Variants in DHX9 observed in about 807,000 individuals in gnomAD.
DHX9 encodes ATP-dependent RNA helicase A.
Under a neutral mutation model 148.7 loss-of-function variants are expected in DHX9, and 27 were observed. That is an observed-to-expected ratio of 0.18 (90% CI 0.13 to 0.25). The LOEUF is 0.25. DHX9 is among the 10% of genes least tolerant of loss of function. The probability of loss-of-function intolerance (pLI) is 1.00; values close to 1 mark genes in which losing one functional copy is unlikely to be tolerated. For synonymous variants in DHX9, 529 were observed against 516.6 expected, an observed-to-expected ratio of 1.02 and a Z score of -0.33; for missense variants, 796 against 1,559.6, an observed-to-expected ratio of 0.51 and a Z score of 8.25.
At chr1:182,884,836 C>G (rs750105079) in intron 27 of DHX9, 23 bp downstream of exon 27, 1 of 1,610,226 alleles carries the variant, frequency 6.2e-7, no homozygotes, top group Middle Eastern at 1.7e-4. Context: ...ATACTTCTTA[C>G]TGAACCAAGT....
chr1:182,877,123 G>A (rs1648840265), intron 19 of DHX9: 1 of 456,348 alleles, frequency 2.2e-6, no homozygotes, highest in Non-Finnish European at 3.9e-6. Flanking sequence ...GCTTGAAACT[G>A]TAACTGATGA....
intron 21 of DHX9, among the ~76,000 whole-genome samples, chr1:182,879,679 A>G (rs1649001126): frequency 6.6e-6 from 1 of 152,206 alleles, no homozygotes; most frequent in African/African-American, 2.4e-5. Context: ...AAAGATCAGA[A>G]CATAACTTAC....
At position 182,879,334 on chromosome 1, in the gene DHX9, A is replaced by G. The variant is rs1398529183; in HGVS notation, c.2436A>G (p.Gly812=). The change falls in exon 21 of 28, where the codon GGA becomes GGG. Residue 812 remains glycine, a synonymous_variant. Transcript: ENST00000367549. ...GCATAAAACTTCTGCGTCTAGGAGG[A>G]ATTGGCCAATTTCTGGCCAAAGCAA... ...ALSIKLLRLG[G]IGQFLAKAIE... 2 of 1,551,100 alleles carry G rather than the reference A, an allele frequency of 1.3e-6. No individual in the cohort carries two copies. The highest frequency in any genetic ancestry group is 2.4e-5 in the South Asian group (2 of 84,198).
chr1:182,859,924 A>T (rs1190238157), intron 11 of DHX9, 69 bp from the exon 12 acceptor site: 14 of 1,482,386 alleles, frequency 9.4e-6, no homozygotes, highest in Non-Finnish European at 1.3e-5. Flanking sequence ...GAAGTTTTTT[A>T]AAGGATCAAG....
chr1:182,879,233 T>C lies in DHX9; in HGVS notation c.2352-17T>C, dbSNP rs2275176. The C allele has an allele frequency of 2.0e-3, 2,868 of 1,453,826 alleles. 48 individuals are homozygous for C. In the East Asian group the frequency reaches 0.042, roughly 21 times the overall value. 90.1% of individuals were successfully genotyped at this position (1,453,826 alleles called of 1,614,324 possible). A position where few individuals can be genotyped will look rare whatever the true frequency, so the allele number is the denominator to read the frequency against. On this transcript the variant is annotated splice_polypyrimidine_tract_variant and intron_variant, in intron 20 of 27. Coordinates refer to ENST00000367549, the MANE Select transcript of DHX9 (RefSeq NM_001357.5). ...ATACACAAGGAGGATGGTTATTTTA[T>C]GCTTATTTTCTCTTAGACTTGAAAC...
chr1:182,845,339 A>T (rs780597571), intron 3 of DHX9, among the ~76,000 whole-genome samples: 1 of 151,200 alleles, frequency 6.6e-6, no homozygotes, highest in Non-Finnish European at 1.5e-5. Context: ...TTCTGAAAAT[A>T]TTTTTATTTT....
intron 15 of DHX9, among the ~76,000 whole-genome samples, chr1:182,873,365 A>G (rs943813257): frequency 6.6e-6 from 1 of 152,224 alleles, no homozygotes; most frequent in African/African-American, 2.4e-5. Context: ...CATGAAAATA[A>G]GAGAGAAACA....
At position 182,852,288 on chromosome 1, in the gene DHX9, G is replaced by A. The variant is rs1571301261; in HGVS notation, c.308G>A (p.Gly103Glu). 6.2e-7 allele frequency: 1 copy of A among 1,612,230 alleles called. No individual in the cohort carries two copies. Among genetic ancestry groups the A allele is most frequent in the South Asian group, 1.1e-5 (1 of 90,840 alleles). Residue 103 changes from glycine to glutamate, a missense_variant, in exon 4 of 28, where the codon GGA (glycine) becomes GAA (glutamate). Physicochemically the swap from Gly to Glu is moderately conservative, Grantham distance 98. Transcript: ENST00000367549. ...CCTGACACTACAGCAAATGCTGAAG[G>A]AGATTTACCAACAACCATGGGAGGA... ...DTPDTTANAE[G>E]DLPTTMGGPL...
chr1:182,866,561 G>T lies in DHX9; in HGVS notation c.1450G>T (p.Ala484Ser). ...TGAGTCTATACTTCCTCGTCCTCAT[G>T]CCAGTATAATGTTTTGTACTGTAGG... ...RFESILPRPHASIMFCTVGVL... is the reference protein window; with the variant it reads ...RFESILPRPHSSIMFCTVGVL... The change falls in exon 13 of 28, where the codon GCC becomes TCC. Residue 484 changes from alanine to serine, a missense_variant. Coordinates refer to ENST00000367549, the MANE Select transcript of DHX9 (RefSeq NM_001357.5). The T allele has an allele frequency of 1.9e-6, 3 of 1,614,126 alleles. No homozygotes were observed. The highest frequency in any genetic ancestry group is 2.5e-6 in the Non-Finnish European group (3 of 1,180,018).
chr1:182,843,458 TGA>T (rs772205005), intron 3 of DHX9, 24 bp downstream of exon 3: 1 of 1,550,424 alleles, frequency 6.4e-7, no homozygotes, highest in Admixed American at 2.1e-5. Flanking sequence ...GCGAAGCACT[TGA>T]GATGTATGTT....
At chr1:182,882,467 CT>C (rs1189040751) in intron 24 of DHX9, among the ~76,000 whole-genome samples, 1 of 152,212 alleles carries the variant, frequency 6.6e-6, no homozygotes, top group African/African-American at 2.4e-5. Flanking sequence ...TTATCTCCAT[CT>C]TCTCTACAAC....
intron 11 of DHX9, 120 bp from the exon 12 acceptor site, chr1:182,859,873 G>A: frequency 1.1e-6 from 1 of 878,484 alleles, no homozygotes; most frequent in Non-Finnish European, 1.7e-6. Flanking sequence ...CAAAGTGCTG[G>A]GATTACAGGC....
In DHX9 at chr1:182,884,722, T is replaced by C. The variant is rs1257130202; in HGVS notation, c.3370T>C (p.Leu1124=). ...CAAACAACCTGCTATCATCAGCCAGTTGGACCCCGTAAATGAACGTATGCT... is the reference window on the plus strand; with the variant it reads ...CAAACAACCTGCTATCATCAGCCAGCTGGACCCCGTAAATGAACGTATGCT... The part of the protein sequence containing the change: ...VTKQPAIISQ[L]DPVNERMLNM... The change falls in exon 27 of 28, where the codon TTG becomes CTG. Residue 1124 remains leucine (L), a synonymous_variant. Coordinates refer to ENST00000367549, the MANE Select transcript of DHX9 (RefSeq NM_001357.5). The C allele has an allele frequency of 1.2e-6, 2 of 1,614,154 alleles. No homozygotes were observed. The highest frequency in any genetic ancestry group is 2.2e-5 in the East Asian group (1 of 44,886).
In DHX9 at chr1:182,884,659, C is replaced by T; in HGVS notation, c.3307C>T (p.Leu1103Phe). Residue 1103 changes from leucine to phenylalanine, a missense_variant, in exon 27 of 28, where the codon CTC becomes TTC. Around this residue, in one of 14 missense-constraint regions of DHX9, gnomAD observed 86 missense variants for 156.3 expected, o/e 0.55. Coordinates refer to ENST00000367549, the MANE Select transcript of DHX9 (RefSeq NM_001357.5). ...TGAAGCTGCTGCCTGTATCACTGGT[C>T]TCCGGGCAGCCATGGAGGCTTTGGT... Reference protein sequence around the residue: ...SHEAAACITGLRAAMEALVVE... With the variant: ...SHEAAACITGFRAAMEALVVE... 1 of 1,614,152 alleles carries T rather than the reference C, an allele frequency of 6.2e-7. No homozygotes were observed. Among genetic ancestry groups the T allele is most frequent in the Non-Finnish European group, 8.5e-7 (1 of 1,180,032 alleles).
chr1:182,846,520 C>T (rs1401491547), intron 3 of DHX9, among the ~76,000 whole-genome samples: 1 of 152,232 alleles, frequency 6.6e-6, no homozygotes, highest in African/African-American at 2.4e-5. Context: ...AGGCGTGAGC[C>T]ACTGAGTCCA....
chr1:182,884,809 A>G lies in DHX9; in HGVS notation c.3457A>G (p.Thr1153Ala), dbSNP rs760141170. The G allele has an allele frequency of 3.1e-6, 5 of 1,614,126 alleles. No individual in the cohort carries two copies. In the South Asian group the frequency reaches 4.4e-5, roughly 14 times the overall value. The change falls in exon 27 of 28, where the codon ACA (threonine) becomes GCA (alanine). Residue 1153 changes from threonine to alanine, a missense_variant. Coordinates refer to ENST00000367549, the MANE Select transcript of DHX9 (RefSeq NM_001357.5). ...AAGINLMIGS[T>A]RYGDGPRPPK... Reference sequence around the variant, plus strand: ...TGGTATCAACCTTATGATTGGCAGTACACGGTGAGTACCAATATACTTCTT... The same window carrying G: ...TGGTATCAACCTTATGATTGGCAGTGCACGGTGAGTACCAATATACTTCTT...
chr1:182,859,204 C>G lies in DHX9; in HGVS notation c.1140+87C>G, dbSNP rs16859747. 13,527 of 1,241,180 alleles carry G rather than the reference C, an allele frequency of 0.011. 809 individuals are homozygous for G. The African/African-American group carries it at 0.15, about 14-fold the overall frequency. The allele number at this position is 1,241,180 out of a possible 1,614,324, so 76.9% of individuals were successfully genotyped here. The stretch of plus-strand genomic sequence containing the variant: ...AAAAGTCAATGAGCAGTACATTTTG[C>G]CCTTTTAAGGAGGGCATATCAAAAG... On this transcript the variant is annotated intron_variant, in intron 11 of 27. Coordinates refer to ENST00000367549, the MANE Select transcript of DHX9 (RefSeq NM_001357.5).
Position 182,858,090 on chromosome 1 carries a change from A to T in DHX9, c.674-14A>T, listed in dbSNP as rs1297511754. The T allele has an allele frequency of 6.2e-7, 1 of 1,607,976 alleles. No individual in the cohort carries two copies. The highest frequency in any genetic ancestry group is 2.2e-5 in the East Asian group (1 of 44,822). ...GATTTCTTTCTGTCTGATAATCCTGACCTTACATTATAGGGATTTTTGCAC... is the reference window on the plus strand; with the variant it reads ...GATTTCTTTCTGTCTGATAATCCTGTCCTTACATTATAGGGATTTTTGCAC... On this transcript the variant is annotated splice_polypyrimidine_tract_variant and intron_variant, in intron 7 of 27. Transcript: ENST00000367549.
intron 7 of DHX9, 58 bp downstream of exon 7, chr1:182,856,636 A>G: frequency 6.6e-7 from 1 of 1,516,462 alleles, no homozygotes; most frequent in Non-Finnish European, 9.1e-7. Context: ...GAATCTTCAC[A>G]TTTTAAGTCT....
Sources: allele counts gnomAD v4.1 joint callset (sites outside exome capture counted in the v4.1 genomes callset), GRCh38; gene constraint gnomAD v4.1.1; regional missense constraint gnomAD v4.1.1; transcripts MANE v1.5; gene names NCBI Gene and HGNC (gene_info 2026-07-23, HGNC 2026-07-21).